The following SLC38A1 variants were observed in gnomAD, a reference collection of about 807,000 sequenced individuals.
The protein encoded by SLC38A1 is sodium-coupled neutral amino acid symporter 1.
A neutral mutation model predicts 60.3 loss-of-function variants in SLC38A1; 18 were observed. That is an observed-to-expected ratio of 0.30 (90% confidence interval 0.21 to 0.44). SLC38A1 has a LOEUF of 0.44. Among genes scored for constraint, SLC38A1 ranks in the 20% least tolerant of loss-of-function variants. The pLI is 1.00. For missense variants in SLC38A1, 448 were observed against 587.2 expected, an observed-to-expected ratio of 0.76 and a Z score of 2.45; for synonymous variants, 196 against 212.1, an observed-to-expected ratio of 0.92 and a Z score of 0.66.
chr12:46,189,143 A>G, intron 16 of SLC38A1, 72 bp from the exon 17 acceptor site: 1 of 1,128,588 alleles, frequency 8.9e-7, no homozygotes, highest in Non-Finnish European at 1.3e-6. Context: ...GGGAAAAAAA[A>G]TAGAACAGTT....
intron 5 of SLC38A1, among the ~76,000 whole-genome samples, chr12:46,214,042 T>C (rs1398736193): frequency 2.1e-4 from 32 of 152,258 alleles, no homozygotes; most frequent in Admixed American, 2.1e-3. Flanking sequence ...ATTAGTTTAG[T>C]GACTATTTAG....
In SLC38A1 at chr12:46,256,593, T is replaced by C. The variant is rs78062437; in HGVS notation, c.-209+11933A>G. The stretch of plus-strand genomic sequence containing the variant: ...CATGACTGACCGGAAGGAAACCTCA[T>C]CCAGTTTGCGCGCGCGCGCGCACAC... On this transcript the variant is annotated intron_variant, in intron 1 of 16. Coordinates refer to ENST00000398637, the MANE Select transcript of SLC38A1 (RefSeq NM_030674.4). Among the ~76,000 whole-genome samples the C allele has an allele frequency of 3.2e-3, 464 of 145,334 alleles. 15 individuals carry two copies. The East Asian group carries it at 0.079, about 25-fold the overall frequency.
In SLC38A1 at chr12:46,183,150, C is replaced by T. The variant is rs1324535905; in HGVS notation, c.*5820G>A. 1 of 151,246 alleles carries T rather than the reference C, an allele frequency of 6.6e-6. No individual in the cohort carries two copies. Among genetic ancestry groups the T allele is most frequent in the Non-Finnish European group, 1.5e-5 (1 of 67,880 alleles). The allele number at this position is 151,246 out of a possible 1,614,324, so 9.4% of individuals were successfully genotyped here. ...ACTTCTTATATTTCTTTATTTACAC[C>T]ACACTCTGAAAAAAAAAACCCAGTT... On this transcript the variant is annotated 3_prime_UTR_variant, in exon 17 of 17. Coordinates refer to ENST00000398637, the MANE Select transcript of SLC38A1 (RefSeq NM_030674.4).
intron 16 of SLC38A1, among the ~76,000 whole-genome samples, chr12:46,192,965 T>C (rs1352363142): frequency 6.6e-6 from 1 of 152,212 alleles, no homozygotes; most frequent in Non-Finnish European, 1.5e-5. Context: ...ATTTCTTACC[T>C]TCTGCTAGCT....
intron 5 of SLC38A1, among the ~76,000 whole-genome samples, chr12:46,214,207 T>C (rs1436408461): frequency 6.6e-6 from 1 of 152,236 alleles, no homozygotes; most frequent in Non-Finnish European, 1.5e-5. Context: ...CCTCTGGGGA[T>C]ACTCTTGCTT....
Position 46,241,879 on chromosome 12 carries a change from G to A in SLC38A1, c.-94+1321C>T, listed in dbSNP as rs184079714. On this transcript the variant is annotated intron_variant, in intron 2 of 16. Coordinates refer to ENST00000398637, the MANE Select transcript of SLC38A1 (RefSeq NM_030674.4). The stretch of plus-strand genomic sequence containing the variant: ...AGGGCTGATAGAAAGTTAATTCAGC[G>A]GATGGCATTTCCAATCTGGGTTAAG... 2.8e-4 allele frequency among the ~76,000 whole-genome samples: 42 copies of A among 152,200 alleles called. 1 individual carries two copies. In the South Asian group the frequency reaches 5.8e-3, roughly 21 times the overall value.
chr12:46,190,446 T>C (rs895955893), intron 16 of SLC38A1, among the ~76,000 whole-genome samples: 10 of 152,254 alleles, frequency 6.6e-5, no homozygotes, highest in African/African-American at 2.2e-4. Context: ...TTTGGGTATA[T>C]ACCCAGTAAT....
At chr12:46,224,297 G>T (rs543009004) in intron 5 of SLC38A1, among the ~76,000 whole-genome samples, 16 of 152,014 alleles carry the variant, frequency 1.1e-4, no homozygotes, top group Non-Finnish European at 2.2e-4. Flanking sequence ...GATAAATCGA[G>T]AGTGCCCACC....
intron 12 of SLC38A1, 114 bp downstream of exon 12, chr12:46,202,896 G>A (rs548100123): frequency 5.0e-5 from 34 of 673,942 alleles, no homozygotes; most frequent in Non-Finnish European, 7.7e-5. Context: ...TGTTGAAGCT[G>A]GGTGATGAAT....
chr12:46,235,476 TAAAGA>T (rs1474363847), intron 3 of SLC38A1, among the ~76,000 whole-genome samples: 1 of 152,016 alleles, frequency 6.6e-6, no homozygotes, highest in African/African-American at 2.4e-5. Context: ...AACAGGAATC[TAAAGA>T]GAAGAGAAGA....
At chr12:46,232,696 T>C (rs1437356611) in intron 3 of SLC38A1, among the ~76,000 whole-genome samples, 1 of 152,162 alleles carries the variant, frequency 6.6e-6, no homozygotes, top group Non-Finnish European at 1.5e-5. Context: ...TTGTAGGGGA[T>C]TGGTTCTAGG....
At chr12:46,214,626 C>T (rs909118063) in intron 5 of SLC38A1, among the ~76,000 whole-genome samples, 2 of 152,090 alleles carry the variant, frequency 1.3e-5, no homozygotes, top group African/African-American at 2.4e-5. Flanking sequence ...TTTAACAAAC[C>T]TCACCCTTTA....
intron 1 of SLC38A1, among the ~76,000 whole-genome samples, chr12:46,256,811 A>C (rs570832443): frequency 6.6e-6 from 1 of 152,366 alleles, no homozygotes; most frequent in Admixed American, 6.5e-5. Context: ...TCTGGCCAGA[A>C]CAAAATATGT....
At chr12:46,224,219 C>T (rs1940777143) in intron 5 of SLC38A1, among the ~76,000 whole-genome samples, 1 of 152,132 alleles carries the variant, frequency 6.6e-6, no homozygotes, top group African/African-American at 2.4e-5. Flanking sequence ...TCAGTACATC[C>T]CTGACTTGCA....
chr12:46,257,973 C>T (rs980040969), intron 1 of SLC38A1, among the ~76,000 whole-genome samples: 1 of 152,156 alleles, frequency 6.6e-6, no homozygotes. Flanking sequence ...CTGCTGGTTG[C>T]TGATTATGAT....
chr12:46,226,707 C>A (rs1291406593), intron 5 of SLC38A1, among the ~76,000 whole-genome samples: 2 of 150,326 alleles, frequency 1.3e-5, no homozygotes, highest in African/African-American at 4.9e-5. Flanking sequence ...CCTCTGCCTC[C>A]CGGGTTCAAT....
chr12:46,198,686 AG>A lies in SLC38A1; in HGVS notation c.1060del (p.Leu354Ter). On this transcript the variant is annotated frameshift_variant, in exon 14 of 17. Coordinates refer to ENST00000398637, the MANE Select transcript of SLC38A1 (RefSeq NM_030674.4). LOFTEE classifies it high-confidence loss of function. Reference protein sequence around the residue: ...KYQSKDDILILTVRLAVIVAV... With the variant: ...KYQSKDDILIXTVRLAVIVAV... ...AACAATGACAGCCAGCCGCACTGTC[AG>A]GATGAGAATGTCATCTTTACTCTGA... The A allele has an allele frequency of 6.2e-7, 1 of 1,613,790 alleles. No individual in the cohort carries two copies. The highest frequency in any genetic ancestry group is 8.5e-7 in the Non-Finnish European group (1 of 1,179,888).
At chr12:46,229,728 T>A in intron 3 of SLC38A1, 89 bp from the exon 4 acceptor site, 3 of 1,130,036 alleles carry the variant, frequency 2.7e-6, no homozygotes, top group Non-Finnish European at 2.7e-6. Context: ...CATCAAAACA[T>A]ACATGAACAG....
chr12:46,230,120 C>A (rs1941016218), intron 3 of SLC38A1, among the ~76,000 whole-genome samples: 1 of 152,144 alleles, frequency 6.6e-6, no homozygotes, highest in Non-Finnish European at 1.5e-5. Context: ...ATACTAGAGG[C>A]AAGTTTTCTT....
Sources: gnomAD v4.1 joint callset for allele counts (sites outside exome capture counted in the v4.1 genomes callset) on GRCh38, gnomAD v4.1.1 for gene constraint, MANE v1.5 for transcripts, NCBI Gene and HGNC (gene_info 2026-07-23, HGNC 2026-07-21) for gene names.